Variants in LBHD1 observed in about 807,000 individuals in gnomAD.
The protein encoded by LBHD1 is LBH domain containing 1, also known as LBH domain-containing protein 1.
A neutral mutation model predicts 31.1 loss-of-function variants in LBHD1; 28 were observed. The observed-to-expected ratio is 0.90, with a 90% CI of 0.67 to 1.24. The LOEUF is 1.24. Among genes scored for constraint, LBHD1 ranks in the 50% most tolerant of loss-of-function variants. LBHD1 has a pLI of 0.00. For synonymous variants in LBHD1, 105 were observed against 116.5 expected, an observed-to-expected ratio of 0.90 and a Z score of 0.63; for missense variants, 350 against 323.0, an observed-to-expected ratio of 1.08 and a Z score of -0.64.
Position 62,672,112 on chromosome 11 carries a change from T to G in LBHD1, c.-559A>C. 6.4e-7 allele frequency: 1 copy of G among 1,573,368 alleles called. No individual in the cohort carries two copies. The highest frequency in any genetic ancestry group is 8.6e-7 in the Non-Finnish European group (1 of 1,160,646). On this transcript the variant is annotated 5_prime_UTR_variant, in exon 1 of 7. Transcript: ENST00000354588. ...AGGCGGCGCCGGCGGGAGGTCACCGTGAGACCGGACTTGCCTCCGTGGGCG... is the reference window on the plus strand; with the variant it reads ...AGGCGGCGCCGGCGGGAGGTCACCGGGAGACCGGACTTGCCTCCGTGGGCG...
chr11:62,666,234 G>T lies in LBHD1; in HGVS notation c.539-1261C>A, dbSNP rs970208417. 3.8e-6 allele frequency: 3 copies of T among 793,866 alleles called. No individual in the cohort carries two copies. The African/African-American group carries it at 5.2e-5, about 14-fold the overall frequency. 49.2% of individuals were successfully genotyped at this position (793,866 alleles called of 1,614,324 possible). On this transcript the variant is annotated intron_variant, in intron 4 of 6. Coordinates refer to ENST00000354588, the MANE Select transcript of LBHD1 (RefSeq NM_024099.5). ...GCCTATAGTCCTAGCTACTCAGGAG[G>T]CTGAGGTGGAGGCTTCAGTGAGCCA...
intron 3 of LBHD1, 185 bp from the exon 4 acceptor site, chr11:62,667,932 G>GT (rs1944862694): frequency 1.8e-6 from 1 of 563,600 alleles, no homozygotes; most frequent in Admixed American, 3.0e-5. Context: ...GCCCGGGATA[G>GT]TGGCACAGGC....
intron 4 of LBHD1, chr11:62,667,233 A>C (rs1944844731): frequency 1.5e-6 from 1 of 668,888 alleles, no homozygotes; most frequent in Admixed American, 3.0e-5. Context: ...AGTGAGAATA[A>C]CTTGGAGTTA....
intron 1 of LBHD1, chr11:62,671,075 G>T (rs1944930460): frequency 9.0e-6 from 3 of 334,258 alleles, no homozygotes; most frequent in Non-Finnish European, 1.8e-5. Context: ...CTCCAGCCCT[G>T]GGCGACAGAG....
rs771207721 is a variant in LBHD1 at position 62,671,701 on chromosome 11, C to T, written c.-148G>A. ...GAGACCGCGCGGCAACAGCTTGCGG[C>T]TGCGGGGAGCTCCCGTGGGCGCTCC... On this transcript the variant is annotated 5_prime_UTR_variant, in exon 1 of 7. Coordinates refer to ENST00000354588, the MANE Select transcript of LBHD1 (RefSeq NM_024099.5). 2 of 1,605,558 alleles carry T rather than the reference C, an allele frequency of 1.2e-6. No individual in the cohort carries two copies. The highest frequency in any genetic ancestry group is 2.2e-5 in the South Asian group (2 of 90,640).
At chr11:62,666,449 G>A (rs1944814500) in intron 4 of LBHD1, 1 of 1,613,082 alleles carries the variant, frequency 6.2e-7, no homozygotes, top group South Asian at 1.1e-5. Flanking sequence ...TCGGCTGCAT[G>A]CCCAGCCTCG....
chr11:62,665,960 G>A (rs1487413947), intron 4 of LBHD1: 4 of 1,601,744 alleles, frequency 2.5e-6, no homozygotes, highest in Non-Finnish European at 3.4e-6. Context: ...GGGAGGTGGG[G>A]GCAGAGTGGA....
chr11:62,672,215 AC>A lies in LBHD1; in HGVS notation c.-663del. The A allele has an allele frequency of 1.6e-6, 2 of 1,257,664 alleles. No individual in the cohort carries two copies. Among genetic ancestry groups the A allele is most frequent in the Non-Finnish European group, 2.2e-6 (2 of 911,128 alleles). The allele number at this position is 1,257,664 out of a possible 1,614,324, so 77.9% of individuals were successfully genotyped here. On this transcript the variant is annotated 5_prime_UTR_variant, in exon 1 of 7. The change abolishes the stop of an existing upstream ORF in the 5' untranslated region. Transcript: ENST00000354588. ...CCCAGCGGAGAGTCCGGACCGAGAT[AC>A]CATGCCAGGACTCTCCGGGGTCCTG...
rs760383171 is a variant in LBHD1, at chr11:62,672,131, G to A, written c.-578C>T. The A allele has an allele frequency of 9.6e-6, 15 of 1,555,414 alleles. No individual in the cohort carries two copies. The South Asian group carries it at 1.3e-4, about 13-fold the overall frequency. ...TCACCGTGAGACCGGACTTGCCTCC[G>A]TGGGCGCCGGACCTTGGCTTGGGCG... On this transcript the variant is annotated 5_prime_UTR_variant, in exon 1 of 7. It adds an upstream start codon to the 5' untranslated region. Transcript: ENST00000354588.
At chr11:62,666,999 GC>G in intron 4 of LBHD1, 1 of 1,613,534 alleles carries the variant, frequency 6.2e-7, no homozygotes. Context: ...CAGGAGCTAG[GC>G]CCGTTCAGGG....
Position 62,671,719 on chromosome 11 carries a change from G to A in LBHD1, c.-166C>T. ...CTTGCGGCTGCGGGGAGCTCCCGTGGGCGCTCCGCTGGCTGTGCAGGCGGC... is the reference window on the plus strand; with the variant it reads ...CTTGCGGCTGCGGGGAGCTCCCGTGAGCGCTCCGCTGGCTGTGCAGGCGGC... On this transcript the variant is annotated 5_prime_UTR_variant, in exon 1 of 7. Transcript: ENST00000354588. The A allele has an allele frequency of 6.2e-7, 1 of 1,611,106 alleles. No homozygotes were observed. Among genetic ancestry groups the A allele is most frequent in the Non-Finnish European group, 8.5e-7 (1 of 1,178,826 alleles).
chr11:62,665,159 G>C, intron 4 of LBHD1, 186 bp from the exon 5 acceptor site: 1 of 917,220 alleles, frequency 1.1e-6, no homozygotes, highest in East Asian at 2.6e-5. Flanking sequence ...CTTTCCCCCC[G>C]GAGCTCCCAT....
intron 4 of LBHD1, chr11:62,665,183 C>T (rs1656700676): frequency 3.7e-6 from 3 of 819,466 alleles, no homozygotes; most frequent in Non-Finnish European, 6.1e-6. Flanking sequence ...CGCGATTCCA[C>T]TCCAGTTCAC....
In LBHD1 at chr11:62,666,640, G is replaced by T. The variant is rs192379593; in HGVS notation, c.538+883C>A. 33 of 1,614,174 alleles carry T rather than the reference G, an allele frequency of 2.0e-5. No individual in the cohort carries two copies. In the East Asian group the frequency reaches 5.6e-4, roughly 27 times the overall value. On this transcript the variant is annotated intron_variant, in intron 4 of 6. Transcript: ENST00000354588. ...AATCTCCACACCCAGTGGATGTGCT[G>T]GGGGTGGACTTTTCTCCTGTGGCTG...
chr11:62,667,007 A>G (rs1157051916), intron 4 of LBHD1: 3 of 1,612,410 alleles, frequency 1.9e-6, no homozygotes, highest in Non-Finnish European at 2.5e-6. Flanking sequence ...AGGCCCGTTC[A>G]GGGGCATCAC....
chr11:62,662,988 C>T lies in LBHD1; in HGVS notation c.*141G>A, dbSNP rs1944695113. 4.5e-6 allele frequency: 6 copies of T among 1,336,660 alleles called. No homozygotes were observed. Among genetic ancestry groups the T allele is most frequent in the Non-Finnish European group, 6.3e-6 (6 of 958,452 alleles). The allele number at this position is 1,336,660 out of a possible 1,614,324, so 82.8% of individuals were successfully genotyped here. A position where few individuals can be genotyped will look rare whatever the true frequency, so the allele number is the denominator to read the frequency against. Reference sequence around the variant, plus strand: ...AAGGGGCCTTGCTTTTGTCAAAGTCCTCTGAAACAACCACTGAGTCTGAAG... The same window carrying T: ...AAGGGGCCTTGCTTTTGTCAAAGTCTTCTGAAACAACCACTGAGTCTGAAG... On this transcript the variant is annotated 3_prime_UTR_variant, in exon 7 of 7. Coordinates refer to ENST00000354588, the MANE Select transcript of LBHD1 (RefSeq NM_024099.5).
rs1056221358 is a variant in LBHD1, at chr11:62,666,964, G to A, written c.538+559C>T. ...TGCGACTGCCCTGCCTGGAACAAGG[G>A]TCCTATGGCTGGACTGTGACTGTGC... On this transcript the variant is annotated intron_variant, in intron 4 of 6. Transcript: ENST00000354588. The A allele has an allele frequency of 1.9e-6, 3 of 1,614,060 alleles. No homozygotes were observed. The African/African-American group carries it at 4.0e-5, about 22-fold the overall frequency.
chr11:62,666,411 G>C, intron 4 of LBHD1: 1 of 1,610,364 alleles, frequency 6.2e-7, no homozygotes, highest in South Asian at 1.1e-5. Context: ...CTGGCTGATA[G>C]TTGCCTGGCG....
At position 62,667,684 on chromosome 11, in the gene LBHD1, C is replaced by G. The variant is rs761608130; in HGVS notation, c.377G>C (p.Trp126Ser). The G allele has an allele frequency of 1.9e-6, 3 of 1,614,196 alleles. No individual in the cohort carries two copies. Among genetic ancestry groups the G allele is most frequent in the Non-Finnish European group, 2.5e-6 (3 of 1,180,056 alleles). The change falls in exon 4 of 7, where the codon TGG becomes TCG. Residue 126 changes from tryptophan to serine, a missense_variant. Coordinates refer to ENST00000354588, the MANE Select transcript of LBHD1 (RefSeq NM_024099.5). ...PLRTFNAGLS[W>S]GQDQDEEDAC... ...ATCTTCTTCATCCTGGTCCTGCCCC[C>G]AGCTGAGTCCAGCGTTAAATGTTCT...
Sources: allele counts gnomAD v4.1 joint callset, GRCh38; gene constraint gnomAD v4.1.1; transcripts MANE v1.5; gene names NCBI Gene and HGNC (gene_info 2026-07-23, HGNC 2026-07-21).